TBL1X: variants seen among roughly 807,000 people sequenced by gnomAD.
TBL1X encodes F-box-like/WD repeat-containing protein TBL1X.
A neutral mutation model predicts 50.7 loss-of-function variants in TBL1X; 10 were observed. The ratio of observed to expected loss-of-function variants is 0.20; its 90% CI spans 0.12 to 0.33. The LOEUF (loss-of-function observed/expected upper bound fraction) is 0.33. Ranked by LOEUF, TBL1X falls within the 10% of genes least tolerant of loss-of-function variation. The pLI is 1.00. For missense variants in TBL1X, 340 were observed against 504.4 expected (o/e 0.67, Z 3.12); for synonymous variants, 190 against 214.7 (o/e 0.88, Z 1.01).
chrX:9,482,886 C>T (rs912412355), intron 1 of TBL1X, among the ~76,000 whole-genome samples: 1 of 111,662 alleles, frequency 9.0e-6, no homozygotes, highest in Non-Finnish European at 1.9e-5. Flanking sequence ...TATTGCATTT[C>T]CCTTAGTTAT....
At chrX:9,559,419 G>C (rs2082314766) in intron 2 of TBL1X, among the ~76,000 whole-genome samples, 1 of 111,041 alleles carries the variant, frequency 9.0e-6, no homozygotes, top group South Asian at 3.8e-4. Flanking sequence ...TTGAGTTCTG[G>C]TGTGTTAGTG....
At chrX:9,531,225 G>A (rs768031264) in intron 2 of TBL1X, 1 of 110,815 alleles carries the variant, frequency 9.0e-6, no homozygotes, top group African/African-American at 3.3e-5. Context: ...CAGGGAGAGG[G>A]AGAGACAGGG....
intron 2 of TBL1X, among the ~76,000 whole-genome samples, chrX:9,506,808 A>C (rs1303886794): frequency 8.9e-6 from 1 of 112,215 alleles, no homozygotes; most frequent in African/African-American, 3.2e-5. Flanking sequence ...TAGCAACCAA[A>C]AAAAGCCCAG....
chrX:9,539,372 A>G (rs779571138), intron 2 of TBL1X, among the ~76,000 whole-genome samples: 1 of 111,410 alleles, frequency 9.0e-6, no homozygotes, highest in South Asian at 3.8e-4. Flanking sequence ...AGTTGACCGT[A>G]TGTACTCTAT....
intron 7 of TBL1X, among the ~76,000 whole-genome samples, chrX:9,690,516 C>A (rs2083090318): frequency 1.8e-5 from 2 of 111,683 alleles, no homozygotes; most frequent in Non-Finnish European, 3.8e-5. Flanking sequence ...CTTGTGACCT[C>A]CTTTTACCCT....
intron 8 of TBL1X, 21 bp from the exon 9 acceptor site, chrX:9,692,092 T>G: frequency 8.3e-7 from 1 of 1,211,572 alleles, no homozygotes; most frequent in Admixed American, 2.2e-5. Context: ...CACCAGAGGC[T>G]CCTGTGTTTT....
At chrX:9,597,484 C>T (rs900521335) in intron 2 of TBL1X, among the ~76,000 whole-genome samples, 1 of 111,829 alleles carries the variant, frequency 8.9e-6, no homozygotes, top group African/African-American at 3.3e-5. Flanking sequence ...AGCATTTTTC[C>T]TCCCAGAGAC....
chrX:9,536,345 G>T (rs1440152155), intron 2 of TBL1X, among the ~76,000 whole-genome samples: 1 of 109,084 alleles, frequency 9.2e-6, no homozygotes, highest in Non-Finnish European at 1.9e-5. Context: ...CCACCTCCCG[G>T]GTTCAAGCGA....
chrX:9,678,025 C>G (rs745650236), intron 5 of TBL1X, among the ~76,000 whole-genome samples: 6 of 111,784 alleles, frequency 5.4e-5, no homozygotes, highest in Non-Finnish European at 1.1e-4. Context: ...ATGGTCCTTC[C>G]TTCTTTCTTC....
chrX:9,707,752 G>A (rs1016002098), intron 13 of TBL1X, among the ~76,000 whole-genome samples: 10 of 112,095 alleles, frequency 8.9e-5, no homozygotes, highest in African/African-American at 2.9e-4. Flanking sequence ...ACACCCATGC[G>A]TGTGCACACT....
intron 2 of TBL1X, among the ~76,000 whole-genome samples, chrX:9,562,733 T>G (rs999842341): frequency 1.2e-4 from 13 of 109,185 alleles, no homozygotes; most frequent in Non-Finnish European, 2.3e-4. Flanking sequence ...TATACAGCAT[T>G]AATATGTCTG....
At chrX:9,613,985 C>CAAA (rs34481376) in intron 2 of TBL1X, among the ~76,000 whole-genome samples, 1,300 of 50,151 alleles carry the variant, frequency 0.026, 32 homozygotes, top group Middle Eastern at 0.035. Context: ...GACTCCATCT[C>CAAA]AAAAAAAAAA....
chrX:9,484,204 A>G (rs968560209), intron 1 of TBL1X, among the ~76,000 whole-genome samples: 1 of 110,654 alleles, frequency 9.0e-6, no homozygotes, highest in Non-Finnish European at 1.9e-5. Context: ...AGGGCTCCCT[A>G]TGTTGCCCAG....
Position 9,468,424 on chromosome X carries a change from G to A in TBL1X, c.-201+2977G>A, listed in dbSNP as rs539993435. On this transcript the variant is annotated intron_variant, in intron 1 of 17. Transcript: ENST00000645353. The stretch of plus-strand genomic sequence containing the variant: ...CCTGCAACTGTTAAATTAGCAAACA[G>A]GTTGAGCCAGCTGGGTGTGGACCTG... Among the ~76,000 whole-genome samples the A allele has an allele frequency of 1.1e-4, 12 of 112,102 alleles. 1 individual carries two copies. The South Asian group carries it at 4.4e-3, about 41-fold the overall frequency.
In TBL1X at chrX:9,673,300, C is replaced by G. The variant is rs1327952913; in HGVS notation, c.212-10743C>G. 3.6e-5 allele frequency among the ~76,000 whole-genome samples: 4 copies of G among 112,541 alleles called. No homozygotes were observed. The East Asian group carries it at 1.1e-3, about 31-fold the overall frequency. On this transcript the variant is annotated intron_variant, in intron 5 of 17. Coordinates refer to ENST00000645353, the MANE Select transcript of TBL1X (RefSeq NM_005647.4). ...CCCCACCACCTGGCACCCAGATATC[C>G]TACCCTTGTCAGTGTTACCTCTATC...
At chrX:9,463,911 A>AAAAAC (rs1491363368), upstream of TBL1X, among the ~76,000 whole-genome samples, 2 of 107,657 alleles carry the variant, frequency 1.9e-5, no homozygotes, top group African/African-American at 7.0e-5. Flanking sequence ...AAACAAAAAC[A>AAAAAC]AAAAAACAAA....
rs1197349858 is a variant in TBL1X, at chrX:9,709,469, G to A, written c.1311+147G>A. 3.1e-6 allele frequency: 3 copies of A among 976,458 alleles called. No individual in the cohort carries two copies. The Admixed American group carries it at 8.1e-5, about 26-fold the overall frequency. 80.5% of individuals were successfully genotyped at this position (976,458 alleles called of 1,213,427 possible). ...TCATCCGGTGAGCTACGATTTCTCAGTCATAGTCCCACTGAGAATCGCAGC... is the reference window on the plus strand; with the variant it reads ...TCATCCGGTGAGCTACGATTTCTCAATCATAGTCCCACTGAGAATCGCAGC... On this transcript the variant is annotated intron_variant, in intron 14 of 17. Transcript: ENST00000645353.
intron 2 of TBL1X, among the ~76,000 whole-genome samples, chrX:9,600,478 G>GGC (rs1555899129): frequency 1.2e-5 from 1 of 81,181 alleles, no homozygotes; most frequent in Non-Finnish European, 2.4e-5. Flanking sequence ...GCGGGGGGGG[G>GGC]GGTACACAAA....
chrX:9,483,459 G>A (rs1173329193), intron 1 of TBL1X, among the ~76,000 whole-genome samples: 1 of 110,941 alleles, frequency 9.0e-6, no homozygotes, highest in Non-Finnish European at 1.9e-5. Context: ...GAAACCCTGA[G>A]CGCCCCTTGG....
Sources: gnomAD v4.1 joint callset for allele counts (sites outside exome capture counted in the v4.1 genomes callset) on GRCh38, gnomAD v4.1.1 for gene constraint, MANE v1.5 for transcripts, NCBI Gene and HGNC (gene_info 2026-07-23, HGNC 2026-07-21) for gene names.